CRYM: variants seen among roughly 807,000 people sequenced by gnomAD.
CRYM encodes the protein ketimine reductase mu-crystallin.
In CRYM, 18 loss-of-function variants were observed where a neutral mutation model predicts 32.9. That is an observed-to-expected ratio of 0.55 (90% CI 0.38 to 0.81). CRYM has a LOEUF of 0.81. Among genes scored for constraint, CRYM ranks in the 30% least tolerant of loss-of-function variants. The pLI, the probability that CRYM is intolerant of heterozygous loss-of-function variation, is 0.00. For missense variants in CRYM, 337 were observed against 393.5 expected (o/e 0.86, Z 1.21); for synonymous variants, 153 against 152.4 (o/e 1.00, Z -0.03).
At chr16:21,266,996 G>A (rs1392090357) in intron 5 of CRYM, among the ~76,000 whole-genome samples, 2 of 151,950 alleles carry the variant, frequency 1.3e-5, no homozygotes, top group African/African-American at 4.8e-5. Context: ...GACAGAGTGA[G>A]ACCCTGTCCC....
At chr16:21,267,820 G>A (rs1035843630) in intron 4 of CRYM, 83 bp from the exon 5 acceptor site, 2 of 1,361,822 alleles carry the variant, frequency 1.5e-6, no homozygotes, top group Non-Finnish European at 1.0e-6. Context: ...CGGAGGGAAA[G>A]TTGAACTACT....
Position 21,258,648 on chromosome 16 carries a change from G to T in CRYM, c.*133C>A. The stretch of plus-strand genomic sequence containing the variant: ...ACTACAAACATAAATGAGGATCTCA[G>T]CATTTAAGGTAAAACATGATAAGCA... On this transcript the variant is annotated 3_prime_UTR_variant, in exon 8 of 8. Transcript: ENST00000572914. 1.2e-6 allele frequency: 1 copy of T among 804,818 alleles called. No homozygotes were observed. The highest frequency in any genetic ancestry group is 2.1e-6 in the Non-Finnish European group (1 of 466,448). The allele number at this position is 804,818 out of a possible 1,614,324, so 49.9% of individuals were successfully genotyped here. A position where few individuals can be genotyped will look rare whatever the true frequency, so the allele number is the denominator to read the frequency against.
At chr16:21,267,418 T>C in intron 5 of CRYM, 136 bp downstream of exon 5, 1 of 926,090 alleles carries the variant, frequency 1.1e-6, no homozygotes, top group Non-Finnish European at 1.7e-6. Flanking sequence ...TTTTTCAATC[T>C]CACATGTTTT....
Position 21,258,750 on chromosome 16 carries a change from A to G in CRYM, c.*31T>C. On this transcript the variant is annotated 3_prime_UTR_variant, in exon 8 of 8. Coordinates refer to ENST00000572914, the MANE Select transcript of CRYM (RefSeq NM_001376256.1). ...TGAGAACCAGCAGCAATATTCCTCA[A>G]GCATCCATCTCAACATCAAGTTCCT... The G allele has an allele frequency of 6.3e-7, 1 of 1,587,392 alleles. No homozygotes were observed. Among genetic ancestry groups the G allele is most frequent in the Non-Finnish European group, 8.7e-7 (1 of 1,155,782 alleles).
Position 21,301,252 on chromosome 16 carries a change from G to A in CRYM, c.-193+1726C>T, listed in dbSNP as rs182640587. 70 of 152,526 alleles carry A rather than the reference G, an allele frequency of 4.6e-4. 1 individual carries two copies. Among genetic ancestry groups the A allele is most frequent in the Non-Finnish European group, 8.7e-4 (59 of 68,180 alleles). The allele number at this position is 152,526 out of a possible 1,614,324, so 9.4% of individuals were successfully genotyped here. A position where few individuals can be genotyped will look rare whatever the true frequency, so the allele number is the denominator to read the frequency against. On this transcript the variant is annotated intron_variant, in intron 1 of 9. Coordinates refer to the CRYM transcript ENST00000219599. ...ACCATGGCACACGAGGGAGAGAGAA[G>A]CCCGCGAGAGGCGGAGAAATGTGGG...
chr16:21,263,074 C>G (rs1196180473), intron 5 of CRYM, among the ~76,000 whole-genome samples: 2 of 152,152 alleles, frequency 1.3e-5, no homozygotes, highest in Non-Finnish European at 2.9e-5. Flanking sequence ...GGGTCTCACT[C>G]TGTTGCCCAG....
rs141936944 is a variant in CRYM at position 21,267,703 on chromosome 16, T to A, written c.524A>T (p.Glu175Val). 531 of 1,614,248 alleles carry A rather than the reference T, an allele frequency of 3.3e-4. 1 individual carries two copies. In the African/African-American group the frequency reaches 5.4e-3, roughly 17 times the overall value. ...TCCTTGCACTGTGTCTGCAAACTTCTCTGCATTTTCTTTGGTGCGGTTCCA... is the reference window on the plus strand; with the variant it reads ...TCCTTGCACTGTGTCTGCAAACTTCACTGCATTTTCTTTGGTGCGGTTCCA... ...RIWNRTKENA[E>V]KFADTVQGEV... is the part of the protein sequence containing the mutation. Residue 175 changes from glutamate (E) to valine (V), a missense_variant, in exon 5 of 8, where the codon GAG becomes GTG. Coordinates refer to ENST00000572914, the MANE Select transcript of CRYM (RefSeq NM_001376256.1).
chr16:21,290,545 C>T (rs1028428432), intron 1 of CRYM, among the ~76,000 whole-genome samples: 11 of 152,086 alleles, frequency 7.2e-5, no homozygotes, highest in African/African-American at 2.2e-4. Context: ...CAAGAACCCA[C>T]GGGAGGGAAC....
chr16:21,281,509 G>A (rs140072675), upstream of CRYM, among the ~76,000 whole-genome samples: 2,519 of 152,148 alleles, frequency 0.017, 91 homozygotes, highest in East Asian at 0.079. Flanking sequence ...GGGATTACAG[G>A]CATGAGCCAC....
At chr16:21,302,537 ACT>A (rs1960977248) in intron 1 of CRYM, among the ~76,000 whole-genome samples, 1 of 152,198 alleles carries the variant, frequency 6.6e-6, no homozygotes, top group Non-Finnish European at 1.5e-5. Flanking sequence ...GTCTAAACTA[ACT>A]CTGCTGAAAC....
chr16:21,298,310 G>A (rs1960829494), intron 1 of CRYM, among the ~76,000 whole-genome samples: 1 of 152,138 alleles, frequency 6.6e-6, no homozygotes, highest in Non-Finnish European at 1.5e-5. Context: ...CGAGATACTT[G>A]CATCCACTTC....
intron 6 of CRYM, 182 bp from the exon 7 acceptor site, chr16:21,261,520 C>T (rs1316161314): frequency 1.6e-6 from 1 of 623,632 alleles, no homozygotes; most frequent in Non-Finnish European, 2.8e-6. Flanking sequence ...CCCCGAAATC[C>T]TTTTGGGGTG....
At chr16:21,302,617 A>G (rs539683196) in intron 1 of CRYM, among the ~76,000 whole-genome samples, 24 of 152,320 alleles carry the variant, frequency 1.6e-4, no homozygotes, top group Non-Finnish European at 3.1e-4. Flanking sequence ...TCGGAAGCAT[A>G]CTGAGTTGTT....
chr16:21,274,751 G>C (rs548968696), intron 3 of CRYM, among the ~76,000 whole-genome samples: 8 of 151,814 alleles, frequency 5.3e-5, no homozygotes, highest in Non-Finnish European at 8.8e-5. Flanking sequence ...GATTATAGGC[G>C]CCCACCACCA....
chr16:21,292,251 ACAT>A (rs1270028811), intron 1 of CRYM, among the ~76,000 whole-genome samples: 8 of 152,134 alleles, frequency 5.3e-5, no homozygotes, highest in African/African-American at 1.7e-4. Flanking sequence ...CTAGAATGAA[ACAT>A]CTTCACTTTG....
chr16:21,259,721 C>G (rs530151448), intron 7 of CRYM, among the ~76,000 whole-genome samples: 1 of 152,202 alleles, frequency 6.6e-6, no homozygotes. Context: ...AGTTTTCTGA[C>G]GCTTGGTCCA....
At chr16:21,300,483 T>C (rs1960883269) in intron 1 of CRYM, 1 of 139,052 alleles carries the variant, frequency 7.2e-6, no homozygotes, top group Non-Finnish European at 1.5e-5. Context: ...CCAGTGATGA[T>C]GAAAACGAGG....
At chr16:21,262,638 C>CA (rs879343190) in intron 5 of CRYM, among the ~76,000 whole-genome samples, 3 of 151,664 alleles carry the variant, frequency 2.0e-5, no homozygotes, top group South Asian at 2.1e-4. Flanking sequence ...AACAAACAAA[C>CA]AAAAAAAACT....
chr16:21,277,835 G>A lies in CRYM; in HGVS notation c.170+247C>T, dbSNP rs1434740392. 6.6e-6 allele frequency among the ~76,000 whole-genome samples: 1 copy of A among 152,088 alleles called. No individual in the cohort carries two copies. The highest frequency in any genetic ancestry group is 2.4e-5 in the African/African-American group (1 of 41,404). The stretch of plus-strand genomic sequence containing the variant: ...CTTAGGTAAGTCACTTAACCTCTCT[G>A]AGTCTCAGTTTTCCACCAATCAAAT... On this transcript the variant is annotated intron_variant, in intron 1 of 7. Coordinates refer to ENST00000572914, the MANE Select transcript of CRYM (RefSeq NM_001376256.1). The surrounding 1 kb of genome is among the most constrained non-coding windows in gnomAD (Gnocchi z 4.2).
Sources: allele counts gnomAD v4.1 joint callset (sites outside exome capture counted in the v4.1 genomes callset), GRCh38; gene constraint gnomAD v4.1.1; non-coding constraint Gnocchi (gnomAD v3.1); transcripts MANE v1.5; gene names NCBI Gene and HGNC (gene_info 2026-07-23, HGNC 2026-07-21).